The following CAMSAP1 variants were observed in gnomAD, a reference collection of about 807,000 sequenced individuals.
The protein encoded by CAMSAP1 is calmodulin regulated spectrin associated protein 1.
In CAMSAP1, 58 loss-of-function variants were observed where a neutral mutation model predicts 143.5. That is an observed-to-expected ratio of 0.40 (90% CI 0.33 to 0.50). The LOEUF (loss-of-function observed/expected upper bound fraction) is 0.50, where lower values mean the gene tolerates loss of function less well. Ranked by LOEUF, CAMSAP1 falls within the 20% of genes least tolerant of loss-of-function variation. The pLI is 0.45. For missense variants in CAMSAP1, 1,969 were observed against 2,115.7 expected, an observed-to-expected ratio of 0.93 and a Z score of 1.36; for synonymous variants, 945 against 859.3, an observed-to-expected ratio of 1.10 and a Z score of -1.74.
rs1248894234 is a variant in CAMSAP1 at position 135,811,773 on chromosome 9, A to G, written c.4507-162T>C. On this transcript the variant is annotated intron_variant, in intron 16 of 16. Coordinates refer to ENST00000389532, the MANE Select transcript of CAMSAP1 (RefSeq NM_015447.4). This position sits in a 1 kb window ranked among gnomAD's most constrained non-coding sequence, Gnocchi z 4.9. The stretch of plus-strand genomic sequence containing the variant: ...GTAAACAATTACAGCAGACCCCTGT[A>G]CGGGAGCATTATATGCCATTGAGAC... Among the ~76,000 whole-genome samples, 2 of 152,240 alleles carry G rather than the reference A, an allele frequency of 1.3e-5. No individual in the cohort carries two copies. The highest frequency in any genetic ancestry group is 4.8e-5 in the African/African-American group (2 of 41,468).
At position 135,857,820 on chromosome 9, in the gene CAMSAP1, G is replaced by A. The variant is rs147026820; in HGVS notation, c.808+4647C>T. On this transcript the variant is annotated intron_variant, in intron 5 of 16. Coordinates refer to ENST00000389532, the MANE Select transcript of CAMSAP1 (RefSeq NM_015447.4). The stretch of plus-strand genomic sequence containing the variant: ...CTTCTGGGGCAGGGTGCACCAGGAG[G>A]AGAACCAGTCTCACCTTCGGGTATG... Among the ~76,000 whole-genome samples the A allele has an allele frequency of 6.4e-3, 968 of 152,292 alleles. 3 individuals carry two copies. The highest frequency in any genetic ancestry group is 0.02 in the Middle Eastern group (6 of 294).
At chr9:135,816,883 G>A (rs182459807) in intron 14 of CAMSAP1, among the ~76,000 whole-genome samples, 31 of 152,318 alleles carry the variant, frequency 2.0e-4, no homozygotes, top group East Asian at 3.9e-4. Flanking sequence ...GGACAGTTCC[G>A]TGAGGTCCAG....
chr9:135,823,760 G>A (rs1459855208), intron 10 of CAMSAP1, among the ~76,000 whole-genome samples, 190 bp downstream of exon 10: 1 of 151,956 alleles, frequency 6.6e-6, no homozygotes, highest in Non-Finnish European at 1.5e-5. Flanking sequence ...AAAATCCCAC[G>A]GCACACTCGC....
intron 4 of CAMSAP1, chr9:135,865,464 G>A (rs1837342301): frequency 8.2e-7 from 1 of 1,214,038 alleles, no homozygotes; most frequent in Admixed American, 2.1e-5. Context: ...CGTTTACACG[G>A]CAGAGGCGGG....
chr9:135,866,050 G>A (rs1033267409), intron 4 of CAMSAP1, among the ~76,000 whole-genome samples: 2 of 152,218 alleles, frequency 1.3e-5, no homozygotes, highest in Non-Finnish European at 2.9e-5. Context: ...TCATGGCACA[G>A]GCACACAGGT....
chr9:135,895,241 T>C (rs896763723), intron 1 of CAMSAP1, among the ~76,000 whole-genome samples: 3 of 152,204 alleles, frequency 2.0e-5, no homozygotes, highest in Admixed American at 2.0e-4. Context: ...TTTAAGAAAC[T>C]GAGTGAACTC....
intron 7 of CAMSAP1, among the ~76,000 whole-genome samples, chr9:135,847,761 G>A (rs1836608281): frequency 7.5e-6 from 1 of 133,382 alleles, no homozygotes; most frequent in South Asian, 2.7e-4. Flanking sequence ...AGGATGGGTT[G>A]ATGGGTGCAG....
Position 135,901,702 on chromosome 9 carries a change from T to C in CAMSAP1, c.160+5298A>G, listed in dbSNP as rs527548399. Among the ~76,000 whole-genome samples, 28 of 152,250 alleles carry C rather than the reference T, an allele frequency of 1.8e-4. No homozygotes were observed. In the South Asian group the frequency reaches 3.3e-3, roughly 18 times the overall value. On this transcript the variant is annotated intron_variant, in intron 1 of 16. Coordinates refer to ENST00000389532, the MANE Select transcript of CAMSAP1 (RefSeq NM_015447.4). ...AGGTAGAACACCTGTCTATGGCCTC[T>C]ACCCACTCAAACCTGCTAAAAACAT... is the stretch of plus-strand genomic sequence containing the variant.
At chr9:135,836,154 A>G in intron 7 of CAMSAP1, 1 of 985,432 alleles carries the variant, frequency 1.0e-6, no homozygotes, top group Non-Finnish European at 1.2e-6. Flanking sequence ...AGAGAAGCCC[A>G]TGTGCATCTA....
At chr9:135,891,965 T>C (rs1184997875) in intron 1 of CAMSAP1, among the ~76,000 whole-genome samples, 4 of 151,856 alleles carry the variant, frequency 2.6e-5, no homozygotes, top group Non-Finnish European at 5.9e-5. Flanking sequence ...TGAAAATAGA[T>C]CAATAGAAAG....
At chr9:135,846,066 C>G (rs1588468143) in intron 7 of CAMSAP1, among the ~76,000 whole-genome samples, 1 of 110,502 alleles carries the variant, frequency 9.0e-6, no homozygotes, top group Non-Finnish European at 1.7e-5. Flanking sequence ...CCAAGACAAC[C>G]CTAAGCAAAA....
In CAMSAP1 at chr9:135,907,033, G is replaced by C; in HGVS notation, c.127C>G (p.Leu43Val). 8.3e-7 allele frequency: 1 copy of C among 1,197,902 alleles called. No homozygotes were observed. Among genetic ancestry groups the C allele is most frequent in the South Asian group, 2.2e-5 (1 of 45,734 alleles). 74.2% of individuals were successfully genotyped at this position (1,197,902 alleles called of 1,614,324 possible). The change falls in exon 1 of 17, where the codon CTG becomes GTG. Residue 43 changes from leucine to valine, a missense_variant. By Grantham distance (32) the Leu-to-Val change is conservative. Coordinates refer to ENST00000389532, the MANE Select transcript of CAMSAP1 (RefSeq NM_015447.4). ...DAARAKIAAN[L>V]QWICAKAYGR... ...TAGGCCTTGGCGCAGATCCACTGCAGGTTGGCGGCGATCTTGGCGCGCGCC... is the reference window on the plus strand; with the variant it reads ...TAGGCCTTGGCGCAGATCCACTGCACGTTGGCGGCGATCTTGGCGCGCGCC...
chr9:135,843,831 G>A (rs939544862), intron 7 of CAMSAP1, among the ~76,000 whole-genome samples: 17 of 138,918 alleles, frequency 1.2e-4, no homozygotes, highest in Admixed American at 4.8e-4. Flanking sequence ...CCAAGATCGC[G>A]CCACTGCTCT....
chr9:135,817,260 G>A (rs1287687690), intron 14 of CAMSAP1, among the ~76,000 whole-genome samples: 1 of 152,196 alleles, frequency 6.6e-6, no homozygotes, highest in Non-Finnish European at 1.5e-5. Flanking sequence ...AATGGGGACC[G>A]CAAATCGGAT....
chr9:135,841,867 T>TA (rs1564434079), intron 7 of CAMSAP1, among the ~76,000 whole-genome samples: 1 of 151,980 alleles, frequency 6.6e-6, no homozygotes, highest in African/African-American at 2.4e-5. Context: ...AAACCAAAGG[T>TA]AGATAAATCC....
intron 3 of CAMSAP1, among the ~76,000 whole-genome samples, chr9:135,873,252 A>G (rs1837625055): frequency 6.6e-6 from 1 of 152,212 alleles, no homozygotes; most frequent in Non-Finnish European, 1.5e-5. Context: ...AAGAATCCAC[A>G]GGGGAAACAA....
chr9:135,822,435 C>G lies in CAMSAP1; in HGVS notation c.2226G>C (p.Val742=). 6.2e-7 allele frequency: 1 copy of G among 1,614,032 alleles called. No homozygotes were observed. Among genetic ancestry groups the G allele is most frequent in the Non-Finnish European group, 8.5e-7 (1 of 1,179,910 alleles). Residue 742 remains valine (V), a synonymous_variant, in exon 11 of 17, where the codon GTG becomes GTC. Coordinates refer to ENST00000389532, the MANE Select transcript of CAMSAP1 (RefSeq NM_015447.4). The surrounding 1 kb of genome is among the most constrained non-coding windows in gnomAD (Gnocchi z 6.1). ...CGTGCTCGGCTTCCTCTATGTCCAC[C>G]ACATCCGAGTCAGAATCCTGCCTGA... ...TLLRQDSDSD[V]VDIEEAEHDF... is the part of the protein sequence containing the mutation.
At chr9:135,831,127 G>A (rs560225259) in intron 7 of CAMSAP1, among the ~76,000 whole-genome samples, 23 of 152,094 alleles carry the variant, frequency 1.5e-4, no homozygotes, top group African/African-American at 1.9e-4. Context: ...AGCCGAGATC[G>A]CTCCAGCCTG....
Position 135,821,003 on chromosome 9 carries a change from T to C in CAMSAP1, c.3658A>G (p.Ser1220Gly). 5 of 1,612,776 alleles carry C rather than the reference T, an allele frequency of 3.1e-6. No homozygotes were observed. The highest frequency in any genetic ancestry group is 4.2e-6 in the Non-Finnish European group (5 of 1,179,024). The part of the protein sequence containing the change: ...SSSSDVSGKE[S>G]VPVEEPLRSR... ...CTCAGAGGCTCCTCCACGGGGACGC[T>C]CTCTTTTCCCGAGACATCTGAGGAG... Residue 1220 changes from serine (S) to glycine (G), a missense_variant, in exon 11 of 17, where the codon AGC (serine) becomes GGC (glycine). This residue lies in a region of CAMSAP1 where 1,390 missense variants were observed against 1,420.8 expected (regional missense o/e 0.98). Transcript: ENST00000389532. This position sits in a 1 kb window ranked among gnomAD's most constrained non-coding sequence, Gnocchi z 4.6.
Sources: gnomAD v4.1 joint callset for allele counts (sites outside exome capture counted in the v4.1 genomes callset) on GRCh38, gnomAD v4.1.1 for gene constraint, gnomAD v4.1.1 regional missense constraint, Gnocchi (gnomAD v3.1) non-coding constraint, MANE v1.5 for transcripts, NCBI Gene and HGNC (gene_info 2026-07-23, HGNC 2026-07-21) for gene names.